MYRIP: variants seen among roughly 807,000 people sequenced by gnomAD.
MYRIP encodes rab effector MyRIP.
In MYRIP, 49 loss-of-function variants were observed where a neutral mutation model predicts 98.0. That is an observed-to-expected ratio of 0.50 (90% confidence interval 0.40 to 0.63). The LOEUF (loss-of-function observed/expected upper bound fraction) is 0.63. Among genes scored for constraint, MYRIP ranks in the 30% least tolerant of loss-of-function variants. MYRIP has a pLI of 0.00. For synonymous variants in MYRIP, 404 were observed against 409.5 expected, an observed-to-expected ratio of 0.99 and a Z score of 0.16; for missense variants, 1,004 against 1,058.2, an observed-to-expected ratio of 0.95 and a Z score of 0.71.
chr3:40,044,622 G>A (rs780299427), intron 3 of MYRIP, among the ~76,000 whole-genome samples: 3 of 152,146 alleles, frequency 2.0e-5, no homozygotes, highest in Non-Finnish European at 4.4e-5. Flanking sequence ...ATTATGCTGG[G>A]TGCAGGAAAC....
At chr3:40,071,775 A>G (rs944800964) in intron 3 of MYRIP, among the ~76,000 whole-genome samples, 3 of 152,212 alleles carry the variant, frequency 2.0e-5, no homozygotes, top group Non-Finnish European at 2.9e-5. Context: ...AAGACAGGAC[A>G]TATAAAAGAG....
intron 2 of MYRIP, among the ~76,000 whole-genome samples, chr3:39,983,473 A>G (rs1050430128): frequency 2.6e-5 from 4 of 152,180 alleles, no homozygotes; most frequent in Non-Finnish European, 5.9e-5. Flanking sequence ...ATGCTCGACA[A>G]TTTTGACCCT....
chr3:39,868,223 TC>T (rs1942680392), intron 1 of MYRIP, among the ~76,000 whole-genome samples: 2 of 152,192 alleles, frequency 1.3e-5, no homozygotes, highest in African/African-American at 4.8e-5. Context: ...CTGGGCCAAA[TC>T]TACAGGCAAG....
chr3:39,846,758 G>T lies in MYRIP; in HGVS notation c.-31+36842G>T, dbSNP rs542677633. 3.3e-5 allele frequency among the ~76,000 whole-genome samples: 5 copies of T among 152,290 alleles called. 1 individual carries two copies. Among genetic ancestry groups the T allele is most frequent in the African/African-American group, 1.2e-4 (5 of 41,548 alleles). On this transcript the variant is annotated intron_variant, in intron 1 of 16. Transcript: ENST00000302541. The stretch of plus-strand genomic sequence containing the variant: ...AATCAATACAATATGCATATTTATA[G>T]AAATAGATTTATTTTAAAGACTTGG...
At chr3:39,994,825 T>C (rs1181280201) in intron 2 of MYRIP, among the ~76,000 whole-genome samples, 1 of 152,178 alleles carries the variant, frequency 6.6e-6, no homozygotes. Context: ...GACTGGGTAC[T>C]CCTCTCACAC....
At chr3:39,990,744 T>G (rs1946153295) in intron 2 of MYRIP, among the ~76,000 whole-genome samples, 1 of 152,216 alleles carries the variant, frequency 6.6e-6, no homozygotes, top group African/African-American at 2.4e-5. Flanking sequence ...TTTTTCAGTT[T>G]CTAAGTGCAG....
intron 10 of MYRIP, among the ~76,000 whole-genome samples, chr3:40,197,570 T>C (rs1182556539): frequency 6.6e-6 from 1 of 152,250 alleles, no homozygotes; most frequent in Non-Finnish European, 1.5e-5. Context: ...GGTCTATGTC[T>C]GCTTCTGTGT....
chr3:40,092,963 AG>A (rs914659873), intron 3 of MYRIP, among the ~76,000 whole-genome samples: 1 of 152,152 alleles, frequency 6.6e-6, no homozygotes, highest in East Asian at 1.9e-4. Flanking sequence ...ATTTGTACTT[AG>A]TAGTGACTCC....
At chr3:39,986,809 C>T (rs892108321) in intron 2 of MYRIP, among the ~76,000 whole-genome samples, 1 of 152,068 alleles carries the variant, frequency 6.6e-6, no homozygotes, top group African/African-American at 2.4e-5. Context: ...CAAGGTGGGA[C>T]CAACTCTGCA....
At chr3:40,036,990 A>G (rs937196415) in intron 2 of MYRIP, among the ~76,000 whole-genome samples, 1 of 143,752 alleles carries the variant, frequency 7.0e-6, no homozygotes, top group Non-Finnish European at 1.6e-5. Flanking sequence ...AAAATGCCTA[A>G]TCATAATGAA....
intron 3 of MYRIP, among the ~76,000 whole-genome samples, chr3:40,127,342 G>A (rs1323349726): frequency 6.6e-6 from 1 of 152,120 alleles, no homozygotes; most frequent in Admixed American, 6.5e-5. Context: ...AGAGGTTAGC[G>A]ACTTGCTTTT....
At chr3:39,953,765 T>C (rs576500596) in intron 2 of MYRIP, among the ~76,000 whole-genome samples, 4 of 152,246 alleles carry the variant, frequency 2.6e-5, no homozygotes, top group African/African-American at 9.6e-5. Context: ...GGAATTCCTT[T>C]TCCTAGCCAA....
At chr3:40,205,727 T>C (rs1951774495) in intron 10 of MYRIP, among the ~76,000 whole-genome samples, 1 of 152,142 alleles carries the variant, frequency 6.6e-6, no homozygotes, top group South Asian at 2.1e-4. Flanking sequence ...TGTCCCTCAC[T>C]GTCCAACACA....
chr3:40,059,003 A>G (rs1254012986), intron 3 of MYRIP, among the ~76,000 whole-genome samples: 1 of 131,442 alleles, frequency 7.6e-6, no homozygotes, highest in East Asian at 2.2e-4. Context: ...CTCATTGTTC[A>G]GCTCCCACTT....
chr3:40,236,754 T>G (rs1368343215), intron 12 of MYRIP, among the ~76,000 whole-genome samples: 1 of 152,158 alleles, frequency 6.6e-6, no homozygotes, highest in East Asian at 1.9e-4. Flanking sequence ...TCAAATCAAG[T>G]TAGGTGATGC....
chr3:40,142,244 G>A (rs576420807), intron 3 of MYRIP, among the ~76,000 whole-genome samples: 1 of 151,648 alleles, frequency 6.6e-6, no homozygotes, highest in Non-Finnish European at 1.5e-5. Flanking sequence ...GTAGAGACGG[G>A]GTTTTACCAT....
intron 12 of MYRIP, among the ~76,000 whole-genome samples, chr3:40,238,061 C>A (rs1043133860): frequency 9.9e-5 from 15 of 152,210 alleles, no homozygotes; most frequent in African/African-American, 3.4e-4. Flanking sequence ...CCAGCAGGGA[C>A]CATGGCTGGA....
chr3:40,027,369 G>A (rs1468914045), intron 2 of MYRIP, among the ~76,000 whole-genome samples: 1 of 152,088 alleles, frequency 6.6e-6, no homozygotes, highest in East Asian at 1.9e-4. Context: ...ACTGACAGTG[G>A]CTGATAGTTC....
intron 1 of MYRIP, among the ~76,000 whole-genome samples, chr3:39,820,029 C>T (rs1239249603): frequency 6.6e-6 from 1 of 152,168 alleles, no homozygotes; most frequent in African/African-American, 2.4e-5. Flanking sequence ...GTGTGATCTG[C>T]AGCCGGGATA....
Sources: gnomAD v4.1 joint callset for allele counts (sites outside exome capture counted in the v4.1 genomes callset) on GRCh38, gnomAD v4.1.1 for gene constraint, MANE v1.5 for transcripts, NCBI Gene and HGNC (gene_info 2026-07-23, HGNC 2026-07-21) for gene names.